MEI4: variants seen among roughly 807,000 people sequenced by gnomAD.
MEI4 encodes the protein meiosis-specific protein MEI4.
Under a neutral mutation model 31.4 loss-of-function variants are expected in MEI4, and 27 were observed. That is an observed-to-expected ratio of 0.86 (90% CI 0.63 to 1.19). The LOEUF (loss-of-function observed/expected upper bound fraction) is 1.19, where lower values mean the gene tolerates loss of function less well. MEI4 is among the 50% of genes most tolerant of loss of function. The pLI, the probability that MEI4 is intolerant of heterozygous loss-of-function variation, is 0.00. For missense variants in MEI4, 329 were observed against 398.9 expected, an observed-to-expected ratio of 0.82 and a Z score of 1.49; for synonymous variants, 122 against 145.4, an observed-to-expected ratio of 0.84 and a Z score of 1.16.
At chr6:77,729,985 G>A (rs1766931122) in intron 2 of MEI4, among the ~76,000 whole-genome samples, 1 of 152,030 alleles carries the variant, frequency 6.6e-6, no homozygotes, top group Admixed American at 6.6e-5. Context: ...CAGCAGCATA[G>A]ATGTGAGCAA....
intron 2 of MEI4, among the ~76,000 whole-genome samples, chr6:77,727,314 G>T (rs1044764441): frequency 4.6e-5 from 7 of 152,154 alleles, no homozygotes; most frequent in Non-Finnish European, 7.4e-5. Flanking sequence ...CAGCGCTTTG[G>T]AGAAACACTA....
chr6:77,919,162 C>G (rs1181599093), intron 4 of MEI4, among the ~76,000 whole-genome samples: 1 of 151,992 alleles, frequency 6.6e-6, no homozygotes, highest in Non-Finnish European at 1.5e-5. Context: ...TAGACATCTA[C>G]AGAACTCTCC....
At chr6:77,900,982 G>A (rs1766176710) in intron 4 of MEI4, among the ~76,000 whole-genome samples, 1 of 151,798 alleles carries the variant, frequency 6.6e-6, no homozygotes, top group South Asian at 2.1e-4. Context: ...TTTGTGCCTG[G>A]ATAATTTAAC....
rs552155233 is a variant in MEI4, at chr6:77,789,686, A to G, written c.768+28021A>G. On this transcript the variant is annotated intron_variant, in intron 3 of 4. Transcript: ENST00000684080. ...TCATCACTGGCCATCAGAGAAATGT[A>G]AATCAAAACCACAATGAGATACCAT... Among the ~76,000 whole-genome samples the G allele has an allele frequency of 8.8e-4, 134 of 152,342 alleles. 2 individuals carry two copies. The Middle Eastern group carries it at 0.014, about 15-fold the overall frequency.
At chr6:77,703,891 C>T (rs770821926) in intron 2 of MEI4, among the ~76,000 whole-genome samples, 2 of 152,128 alleles carry the variant, frequency 1.3e-5, no homozygotes, top group Admixed American at 6.5e-5. Context: ...GGTCCGAGAA[C>T]CACTATTTGA....
At chr6:77,743,784 G>C (rs1767493346) in intron 2 of MEI4, among the ~76,000 whole-genome samples, 2 of 152,192 alleles carry the variant, frequency 1.3e-5, no homozygotes, top group Admixed American at 1.3e-4. Context: ...CCAGAGGAAA[G>C]ATCAGACAGC....
chr6:77,822,006 A>C (rs1254701019), intron 3 of MEI4, among the ~76,000 whole-genome samples: 2 of 152,124 alleles, frequency 1.3e-5, no homozygotes, highest in African/African-American at 4.8e-5. Context: ...GCTTTTTGCC[A>C]GCAGAGCAAC....
chr6:77,733,357 A>C (rs1417163758), intron 2 of MEI4, among the ~76,000 whole-genome samples: 1 of 151,944 alleles, frequency 6.6e-6, no homozygotes, highest in Non-Finnish European at 1.5e-5. Flanking sequence ...TAGTCTTGGG[A>C]GAGTGTATGT....
intron 4 of MEI4, among the ~76,000 whole-genome samples, chr6:77,866,477 T>C (rs936286798): frequency 2.0e-5 from 3 of 152,158 alleles, no homozygotes; most frequent in Admixed American, 2.0e-4. Flanking sequence ...CCATTCACAA[T>C]TGCTTCAAAG....
rs76964491 is a variant in MEI4 at position 77,827,485 on chromosome 6, C to G, written c.769-1446C>G. ...TAGCAACAAAATGCATGCCCTGTAC[C>G]TACTTCTTTTCCTTGGTGATGCATT... On this transcript the variant is annotated intron_variant, in intron 3 of 4. Coordinates refer to ENST00000684080, the MANE Select transcript of MEI4 (RefSeq NM_001322247.2). 1.5e-3 allele frequency among the ~76,000 whole-genome samples: 234 copies of G among 151,858 alleles called. 6 individuals carry two copies. The East Asian group carries it at 0.042, about 27-fold the overall frequency.
intron 2 of MEI4, among the ~76,000 whole-genome samples, chr6:77,714,970 G>A (rs1046290863): frequency 6.6e-5 from 10 of 152,080 alleles, no homozygotes; most frequent in South Asian, 2.1e-4. Flanking sequence ...GTTGCCCTGC[G>A]TTTCCTGAGT....
At position 77,729,118 on chromosome 6, in the gene MEI4, G is replaced by A. The variant is rs548580348; in HGVS notation, c.233-32012G>A. 5.9e-5 allele frequency among the ~76,000 whole-genome samples: 9 copies of A among 152,314 alleles called. 1 individual carries two copies. The highest frequency in any genetic ancestry group is 6.8e-3 in the Middle Eastern group (2 of 294). ...TTAAACAAATTAACATGAACTCATA[G>A]AGAGGAAGTAGGAAGACATTCTTGG... On this transcript the variant is annotated intron_variant, in intron 2 of 4. Coordinates refer to ENST00000684080, the MANE Select transcript of MEI4 (RefSeq NM_001322247.2).
At chr6:77,793,705 G>A (rs1261337346) in intron 3 of MEI4, among the ~76,000 whole-genome samples, 1 of 152,114 alleles carries the variant, frequency 6.6e-6, no homozygotes, top group Non-Finnish European at 1.5e-5. Flanking sequence ...TATGATTAAA[G>A]TTATTATCAG....
chr6:77,794,235 C>T (rs9343661), intron 3 of MEI4, among the ~76,000 whole-genome samples: 24,041 of 152,062 alleles, frequency 0.16, 2,299 homozygotes, highest in East Asian at 0.4. Flanking sequence ...GGGGTCAGTT[C>T]CTTCAAGAGG....
intron 3 of MEI4, among the ~76,000 whole-genome samples, chr6:77,798,700 T>C (rs1287935101): frequency 3.5e-5 from 5 of 141,516 alleles, no homozygotes; most frequent in Non-Finnish European, 6.0e-5. Context: ...TGTCCATGTG[T>C]TCTCATTGTT....
At chr6:77,800,059 G>A (rs1582158959) in intron 3 of MEI4, among the ~76,000 whole-genome samples, 1 of 152,046 alleles carries the variant, frequency 6.6e-6, no homozygotes. Flanking sequence ...GATGGGGATG[G>A]CATTGAATCT....
rs1347706323 is a variant in MEI4 at position 77,910,538 on chromosome 6, C to A, written c.901-12551C>A. Among the ~76,000 whole-genome samples, 3 of 152,118 alleles carry A rather than the reference C, an allele frequency of 2.0e-5. No individual in the cohort carries two copies. The South Asian group carries it at 6.2e-4, about 31-fold the overall frequency. On this transcript the variant is annotated intron_variant, in intron 4 of 4. Transcript: ENST00000684080. ...CTTCAAGGAGAACTAGAAACAACTG[C>A]TCAATGAAATAAAAGAGGATACAAA...
At chr6:77,651,012 G>C (rs190618268), upstream of MEI4, among the ~76,000 whole-genome samples, 4 of 152,322 alleles carry the variant, frequency 2.6e-5, no homozygotes, top group East Asian at 7.7e-4. Flanking sequence ...AGGTGGGACA[G>C]ACGTGGTCTT....
chr6:77,901,080 T>C lies in MEI4; in HGVS notation c.901-22009T>C, dbSNP rs138393291. ...TAAGGCTGAATAATAGTTCATTGTA[T>C]ATATATATAGTACATTTTCTTCACC... On this transcript the variant is annotated intron_variant, in intron 4 of 4. Coordinates refer to ENST00000684080, the MANE Select transcript of MEI4 (RefSeq NM_001322247.2). Among the ~76,000 whole-genome samples the C allele has an allele frequency of 1.4e-3, 213 of 152,016 alleles. 1 individual carries two copies. The highest frequency in any genetic ancestry group is 4.5e-3 in the African/African-American group (187 of 41,520).
Sources: gnomAD v4.1 joint callset for allele counts (sites outside exome capture counted in the v4.1 genomes callset) on GRCh38, gnomAD v4.1.1 for gene constraint, MANE v1.5 for transcripts, NCBI Gene and HGNC (gene_info 2026-07-23, HGNC 2026-07-21) for gene names.